Variants in PHF13 observed in about 807,000 individuals in gnomAD.
PHF13 encodes PHD zinc finger protein PHF5.
In PHF13, 1 loss-of-function variant was observed where a neutral mutation model predicts 25.8. The observed-to-expected ratio is 0.04, with a 90% confidence interval of 0.01 to 0.18. PHF13 has a LOEUF of 0.18. Ranked by LOEUF, PHF13 falls within the 10% of genes least tolerant of loss-of-function variation. The probability of loss-of-function intolerance (pLI) is 1.00; values close to 1 mark genes in which losing one functional copy is unlikely to be tolerated. For synonymous variants in PHF13, 195 were observed against 162.4 expected (o/e 1.20, Z -1.53); for missense variants, 306 against 403.2 (o/e 0.76, Z 2.06).
At chr1:6,614,451 C>T (rs1380242377) in intron 1 of PHF13, 3 of 272,292 alleles carry the variant, frequency 1.1e-5, no homozygotes, top group Non-Finnish European at 2.1e-5. Flanking sequence ...CCTGCTTACT[C>T]TTTCCCCGCC....
rs745586037 is a variant in PHF13 at position 6,614,115 on chromosome 1, G to GCTGT, written c.39+11_39+14dup. The GCTGT allele has an allele frequency of 3.0e-5, 48 of 1,597,110 alleles. No individual in the cohort carries two copies. The highest frequency in any genetic ancestry group is 1.7e-4 in the Middle Eastern group (1 of 5,998). The stretch of plus-strand genomic sequence containing the variant: ...CGCCTTCCACCCGGAGGTGAGTGAA[G>GCTGT]CTGTGCGTCCGAATCGCCCCCGACC... On this transcript the variant is annotated intron_variant, in intron 1 of 3. Transcript: ENST00000377648.
rs574836145 is a variant in PHF13, at chr1:6,614,123, T to A, written c.39+18T>A. 2.9e-5 allele frequency: 46 copies of A among 1,594,262 alleles called. No homozygotes were observed. The highest frequency in any genetic ancestry group is 3.4e-4 in the Middle Eastern group (2 of 5,966). On this transcript the variant is annotated intron_variant, in intron 1 of 3. Coordinates refer to ENST00000377648, the MANE Select transcript of PHF13 (RefSeq NM_153812.3). ...ACCCGGAGGTGAGTGAAGCTGTGCG[T>A]CCGAATCGCCCCCGACCACCCCCTC... is the stretch of plus-strand genomic sequence containing the variant.
At position 6,614,010 on chromosome 1, in the gene PHF13, C is replaced by A; in HGVS notation, c.-57C>A. Reference sequence around the variant, plus strand: ...CCGAGCCCCCAGCCCCGGGCGGCCCCGCTCCAGCATCCCAGCTCCTGCACT... The same window carrying A: ...CCGAGCCCCCAGCCCCGGGCGGCCCAGCTCCAGCATCCCAGCTCCTGCACT... On this transcript the variant is annotated 5_prime_UTR_variant, in exon 1 of 4. Transcript: ENST00000377648. 1 of 1,444,636 alleles carries A rather than the reference C, an allele frequency of 6.9e-7. No individual in the cohort carries two copies. Among genetic ancestry groups the A allele is most frequent in the Non-Finnish European group, 9.5e-7 (1 of 1,055,056 alleles). 89.5% of individuals were successfully genotyped at this position (1,444,636 alleles called of 1,614,324 possible).
intron 1 of PHF13, chr1:6,614,736 C>T (rs1030192783): frequency 6.7e-6 from 1 of 148,558 alleles, no homozygotes; most frequent in Non-Finnish European, 1.5e-5. Flanking sequence ...GCTGGCCTCT[C>T]TCTTCGGGCC....
At chr1:6,619,775 C>T (rs776064654) in intron 2 of PHF13, 28 bp from the exon 3 acceptor site, 1 of 1,562,620 alleles carries the variant, frequency 6.4e-7, no homozygotes, top group Admixed American at 1.8e-5. Flanking sequence ...TCACCAGTAA[C>T]TGGAATCTGC....
intron 1 of PHF13, among the ~76,000 whole-genome samples, chr1:6,615,731 T>C (rs946205223): frequency 1.3e-5 from 2 of 152,214 alleles, no homozygotes; most frequent in Admixed American, 6.5e-5. Context: ...TCTCCGTGCT[T>C]CTCTCAGGAG....
intron 1 of PHF13, among the ~76,000 whole-genome samples, chr1:6,615,809 C>G (rs1024661535): frequency 6.6e-6 from 1 of 152,194 alleles, no homozygotes; most frequent in African/African-American, 2.4e-5. Flanking sequence ...AAAACCTCCA[C>G]TATTCCGTTT....
At chr1:6,614,997 C>T (rs935925770) in intron 1 of PHF13, among the ~76,000 whole-genome samples, 75 of 151,198 alleles carry the variant, frequency 5.0e-4, no homozygotes, top group Admixed American at 4.9e-3. Context: ...CCCCGGAATC[C>T]TGCCTGGCGC....
Position 6,621,023 on chromosome 1 carries a change from C to G in PHF13, c.677-388C>G, listed in dbSNP as rs1253322385. Among the ~76,000 whole-genome samples, 1 of 129,968 alleles carries G rather than the reference C, an allele frequency of 7.7e-6. No homozygotes were observed. Among genetic ancestry groups the G allele is most frequent in the Non-Finnish European group, 1.7e-5 (1 of 59,978 alleles). The allele number at this position is 129,968 out of a possible 152,430, so 85.3% of individuals were successfully genotyped here. On this transcript the variant is annotated intron_variant, in intron 3 of 3. Transcript: ENST00000377648. This position sits in a 1 kb window ranked among gnomAD's most constrained non-coding sequence, Gnocchi z 4.8. ...CTCCAGCCTGGGCGACAGCAAAACT[C>G]CGTCTCAAGAAAAAAAAAAAAAACA...
rs1198869249 is a variant in PHF13, at chr1:6,621,763, A to G, written c.*126A>G. ...GCAGATCCCTGCCATTTAGGTGCCT[A>G]AGCAAAAGGACAGGCTGTCCAAGGT... On this transcript the variant is annotated 3_prime_UTR_variant, in exon 4 of 4. Coordinates refer to ENST00000377648, the MANE Select transcript of PHF13 (RefSeq NM_153812.3). The surrounding 1 kb of genome is among the most constrained non-coding windows in gnomAD (Gnocchi z 4.8). The G allele has an allele frequency of 2.2e-6, 2 of 924,176 alleles. No individual in the cohort carries two copies. The highest frequency in any genetic ancestry group is 3.3e-6 in the Non-Finnish European group (2 of 602,322). 57.2% of individuals were successfully genotyped at this position (924,176 alleles called of 1,614,324 possible). A position where few individuals can be genotyped will look rare whatever the true frequency, so the allele number is the denominator to read the frequency against.
intron 2 of PHF13, among the ~76,000 whole-genome samples, chr1:6,618,280 C>T (rs1570226610): frequency 6.6e-6 from 1 of 151,968 alleles, no homozygotes; most frequent in Admixed American, 6.6e-5. Context: ...GACTACAGGC[C>T]CACCACCACA....
intron 2 of PHF13, among the ~76,000 whole-genome samples, chr1:6,618,984 C>A (rs1641301542): frequency 6.6e-6 from 1 of 152,136 alleles, no homozygotes; most frequent in Non-Finnish European, 1.5e-5. Context: ...AGGACGTTGC[C>A]ACTGTTTGCA....
chr1:6,619,677 G>A lies in PHF13; in HGVS notation c.142-126G>A, dbSNP rs1178822839. 3 of 971,972 alleles carry A rather than the reference G, an allele frequency of 3.1e-6. No individual in the cohort carries two copies. The South Asian group carries it at 4.8e-5, about 15-fold the overall frequency. The allele number at this position is 971,972 out of a possible 1,614,324, so 60.2% of individuals were successfully genotyped here. On this transcript the variant is annotated intron_variant, in intron 2 of 3. Transcript: ENST00000377648. ...CTGTTGCTTCAAGTGTGATGCTGAT[G>A]GGCAGAGAAGCTCAAAGTTGTGCAG...
At chr1:6,616,568 C>T (rs939998586) in intron 1 of PHF13, among the ~76,000 whole-genome samples, 189 bp from the exon 2 acceptor site, 5 of 152,338 alleles carry the variant, frequency 3.3e-5, no homozygotes, top group East Asian at 1.9e-4. Flanking sequence ...TAATACTCCT[C>T]TTTCTGCTCT....
At chr1:6,615,197 C>T (rs1641241744) in intron 1 of PHF13, among the ~76,000 whole-genome samples, 1 of 151,866 alleles carries the variant, frequency 6.6e-6, no homozygotes, top group African/African-American at 2.4e-5. Context: ...CCGGTGCCTC[C>T]CGCGCGCCCC....
chr1:6,613,943 C>T lies in PHF13; in HGVS notation c.-124C>T, dbSNP rs942134253. 1.3e-5 allele frequency: 8 copies of T among 598,772 alleles called. No homozygotes were observed. Among genetic ancestry groups the T allele is most frequent in the African/African-American group, 1.0e-4 (5 of 49,834 alleles). 37.1% of individuals were successfully genotyped at this position (598,772 alleles called of 1,614,324 possible). Reference sequence around the variant, plus strand: ...GCTGAGCCCCCCATCACCTCCAGCCCGGGCGACCCCTCCCGGGTCCGCCCT... The same window carrying T: ...GCTGAGCCCCCCATCACCTCCAGCCTGGGCGACCCCTCCCGGGTCCGCCCT... On this transcript the variant is annotated 5_prime_UTR_variant, in exon 1 of 4. Transcript: ENST00000377648.
intron 1 of PHF13, among the ~76,000 whole-genome samples, chr1:6,614,957 G>T (rs950838367): frequency 1.1e-4 from 17 of 151,544 alleles, no homozygotes; most frequent in Middle Eastern, 3.4e-3. Context: ...GCCGCCCCCG[G>T]GGGTTCGCAG....
chr1:6,620,177 C>A lies in PHF13; in HGVS notation c.516C>A (p.Asp172Glu). 1 of 1,613,986 alleles carries A rather than the reference C, an allele frequency of 6.2e-7. No individual in the cohort carries two copies. Among genetic ancestry groups the A allele is most frequent in the Non-Finnish European group, 8.5e-7 (1 of 1,180,048 alleles). Residue 172 changes from aspartate (D) to glutamate (E), a missense_variant, in exon 3 of 4, where the codon GAC (aspartate) becomes GAA (glutamate). Around this residue, in one of 5 missense-constraint regions of PHF13, gnomAD observed 186 missense variants for 164.0 expected, o/e 1.13. Coordinates refer to ENST00000377648, the MANE Select transcript of PHF13 (RefSeq NM_153812.3). ...CCAGCGACCCCTGCTCGGGCTGGGA[C>A]TCCGATACTCCCTCGAGTGGATCTT... ...QAPSDPCSGW[D>E]SDTPSSGSCA...
chr1:6,621,597 A>G lies in PHF13; in HGVS notation c.863A>G (p.Asn288Ser). 1 of 1,614,056 alleles carries G rather than the reference A, an allele frequency of 6.2e-7. No individual in the cohort carries two copies. The highest frequency in any genetic ancestry group is 2.2e-5 in the East Asian group (1 of 44,880). Residue 288 changes from asparagine to serine, a missense_variant, in exon 4 of 4, where the codon AAC (asparagine) becomes AGC (serine). Physicochemically the swap from Asn to Ser is conservative, Grantham distance 46 (BLOSUM62 1). This residue lies in a region of PHF13 where 40 missense variants were observed against 71.6 expected (regional missense o/e 0.56). Transcript: ENST00000377648. The surrounding 1 kb of genome is among the most constrained non-coding windows in gnomAD (Gnocchi z 4.8). The stretch of plus-strand genomic sequence containing the variant: ...TCCAAGTTTGACATCCGCCGTTCCA[A>G]CCGCTCGCGGACGGGCTCCCGGAAG... Reference protein sequence around the residue: ...RDSKFDIRRSNRSRTGSRKLF... With the variant: ...RDSKFDIRRSSRSRTGSRKLF...
Sources: gnomAD v4.1 joint callset for allele counts (sites outside exome capture counted in the v4.1 genomes callset) on GRCh38, gnomAD v4.1.1 for gene constraint, gnomAD v4.1.1 regional missense constraint, Gnocchi (gnomAD v3.1) non-coding constraint, MANE v1.5 for transcripts, NCBI Gene and HGNC (gene_info 2026-07-23, HGNC 2026-07-21) for gene names.